TEK: variants seen among roughly 807,000 people sequenced by gnomAD.
The protein encoded by TEK is TEK receptor tyrosine kinase, also known as angiopoietin-1 receptor.
In TEK, 43 loss-of-function variants were observed where a neutral mutation model predicts 131.8. That is an observed-to-expected ratio of 0.33 (90% CI 0.26 to 0.42). The LOEUF is 0.42. Among genes scored for constraint, TEK ranks in the 10% least tolerant of loss-of-function variants. The pLI is 1.00. For synonymous variants in TEK, 580 were observed against 491.6 expected (o/e 1.18, Z -2.38); for missense variants, 1,162 against 1,384.4 (o/e 0.84, Z 2.55).
chr9:27,219,967 C>T (rs1825995689), intron 20 of TEK, 82 bp from the exon 21 acceptor site: 2 of 1,417,454 alleles, frequency 1.4e-6, no homozygotes, highest in Non-Finnish European at 2.0e-6. Flanking sequence ...TTCCTCCTGG[C>T]CCCTTATATT....
intron 16 of TEK, among the ~76,000 whole-genome samples, chr9:27,211,316 A>G (rs1212115467): frequency 6.7e-6 from 1 of 149,748 alleles, no homozygotes; most frequent in Non-Finnish European, 1.5e-5. Flanking sequence ...TTCAGTAAAG[A>G]TGTGAGAAAG....
intron 20 of TEK, among the ~76,000 whole-genome samples, chr9:27,219,731 A>AC: frequency 7.3e-6 from 1 of 136,586 alleles, no homozygotes; most frequent in African/African-American, 2.6e-5. Flanking sequence ...CAATCAGAAA[A>AC]AAAGGTTAAT....
At chr9:27,215,045 C>T (rs1412409232) in intron 18 of TEK, among the ~76,000 whole-genome samples, 1 of 152,154 alleles carries the variant, frequency 6.6e-6, no homozygotes, top group Non-Finnish European at 1.5e-5. Context: ...TGCTTTACTC[C>T]AGCACTTGGG....
chr9:27,224,411 ATG>A, intron 21 of TEK, among the ~76,000 whole-genome samples: 2 of 151,712 alleles, frequency 1.3e-5, no homozygotes, highest in East Asian at 3.9e-4. Flanking sequence ...CTTATCCACC[ATG>A]ATCAAGTCTG....
intron 19 of TEK, 137 bp from the exon 20 acceptor site, chr9:27,218,640 G>T: frequency 1.2e-6 from 1 of 834,714 alleles, no homozygotes; most frequent in Non-Finnish European, 2.1e-6. Flanking sequence ...TACACTGTGT[G>T]CAAGGGCCTA....
chr9:27,225,245 A>G (rs1826269571), intron 21 of TEK, among the ~76,000 whole-genome samples: 1 of 152,212 alleles, frequency 6.6e-6, no homozygotes, highest in Non-Finnish European at 1.5e-5. Context: ...ACTGCTTTAA[A>G]TTTCATATGG....
intron 1 of TEK, among the ~76,000 whole-genome samples, chr9:27,117,399 AC>A (rs1781784176): frequency 6.6e-6 from 1 of 152,112 alleles, no homozygotes; most frequent in South Asian, 2.1e-4. Context: ...CCCTATTCTT[AC>A]CCATCTGGCC....
intron 12 of TEK, 23 bp from the exon 13 acceptor site, chr9:27,202,797 T>C (rs765002934): frequency 6.2e-7 from 1 of 1,610,604 alleles, no homozygotes; most frequent in Non-Finnish European, 8.5e-7. Context: ...CTTAAGTGAA[T>C]CTTTTTTCTT....
chr9:27,158,274 T>C (rs1823416486), intron 2 of TEK, 132 bp downstream of exon 2: 10 of 1,045,226 alleles, frequency 9.6e-6, no homozygotes, highest in Admixed American at 3.7e-5. Flanking sequence ...TGCCTGTCTC[T>C]TTCCATGCAT....
chr9:27,125,998 T>C (rs1821972884), intron 1 of TEK, among the ~76,000 whole-genome samples: 1 of 152,148 alleles, frequency 6.6e-6, no homozygotes, highest in Admixed American at 6.6e-5. Flanking sequence ...GAGGTTTTTG[T>C]TGGGGTCACA....
At chr9:27,169,845 C>G (rs1823883377) in intron 4 of TEK, among the ~76,000 whole-genome samples, 1 of 152,182 alleles carries the variant, frequency 6.6e-6, no homozygotes, top group Admixed American at 6.5e-5. Context: ...GACCTGAAGA[C>G]TTAAATATTT....
chr9:27,211,169 G>A (rs1174868225), intron 16 of TEK, among the ~76,000 whole-genome samples: 4 of 21,998 alleles, frequency 1.8e-4, no homozygotes, highest in South Asian at 2.1e-3. Flanking sequence ...ATATATGTAT[G>A]TGTATATATA....
At chr9:27,216,253 T>C (rs138307054) in intron 18 of TEK, among the ~76,000 whole-genome samples, 2 of 152,000 alleles carry the variant, frequency 1.3e-5, no homozygotes, top group East Asian at 3.9e-4. Context: ...GAACAGACAA[T>C]TAGGGAGGGA....
At chr9:27,186,619 T>C (rs1263013075) in intron 9 of TEK, among the ~76,000 whole-genome samples, 1 of 152,198 alleles carries the variant, frequency 6.6e-6, no homozygotes, top group Admixed American at 6.5e-5. Context: ...CAAATCTTAG[T>C]ATTAAACCTG....
chr9:27,217,630 T>A, intron 18 of TEK, 58 bp from the exon 19 acceptor site: 2 of 1,513,752 alleles, frequency 1.3e-6, no homozygotes, highest in Non-Finnish European at 1.8e-6. Flanking sequence ...TCAGGCAGGC[T>A]GAGAGCCTCT....
chr9:27,119,110 T>C (rs922807169), intron 1 of TEK, among the ~76,000 whole-genome samples: 1 of 152,182 alleles, frequency 6.6e-6, no homozygotes, highest in African/African-American at 2.4e-5. Context: ...CTTCTATCCC[T>C]TGGAAGTGAA....
At chr9:27,197,057 G>C (rs1291130640) in intron 11 of TEK, among the ~76,000 whole-genome samples, 1 of 138,488 alleles carries the variant, frequency 7.2e-6, no homozygotes, top group Non-Finnish European at 1.5e-5. Context: ...AACAGGAAGG[G>C]GAACATCACA....
At chr9:27,156,151 A>G (rs989311218) in intron 1 of TEK, among the ~76,000 whole-genome samples, 5 of 152,086 alleles carry the variant, frequency 3.3e-5, no homozygotes, top group Admixed American at 2.6e-4. Context: ...AGCCGAGCAA[A>G]TGGATGGACT....
At chr9:27,113,233 G>A (rs1821415231) in intron 1 of TEK, among the ~76,000 whole-genome samples, 1 of 152,154 alleles carries the variant, frequency 6.6e-6, no homozygotes, top group Non-Finnish European at 1.5e-5. Context: ...ATTTTCCAGG[G>A]TTGTGATGAG....
Sources: allele counts gnomAD v4.1 joint callset (sites outside exome capture counted in the v4.1 genomes callset), GRCh38; gene constraint gnomAD v4.1.1; transcripts MANE v1.5; gene names NCBI Gene and HGNC (gene_info 2026-07-23, HGNC 2026-07-21).